Variants in GRIN2B observed in about 807,000 individuals in gnomAD.
The protein encoded by GRIN2B is glutamate ionotropic receptor NMDA type subunit 2B, also known as glutamate receptor ionotropic, NMDA 2B.
A neutral mutation model predicts 114.5 loss-of-function variants in GRIN2B; 5 were observed. The ratio of observed to expected loss-of-function variants is 0.04; its 90% CI spans 0.02 to 0.09. The LOEUF is 0.09. Among genes scored for constraint, GRIN2B ranks in the 10% least tolerant of loss-of-function variants. The pLI is 1.00. For missense variants in GRIN2B, 1,108 were observed against 1,943.5 expected, an observed-to-expected ratio of 0.57 and a Z score of 8.08; for synonymous variants, 787 against 745.1, an observed-to-expected ratio of 1.06 and a Z score of -0.92.
intron 3 of GRIN2B, among the ~76,000 whole-genome samples, chr12:13,791,885 A>G (rs1305190484): frequency 1.3e-5 from 2 of 152,198 alleles, no homozygotes; most frequent in Non-Finnish European, 2.9e-5. Flanking sequence ...CTGCTGATCT[A>G]TCGAACATCA....
intron 5 of GRIN2B, among the ~76,000 whole-genome samples, chr12:13,674,450 C>T (rs1295178195): frequency 6.6e-6 from 1 of 152,064 alleles, no homozygotes; most frequent in Non-Finnish European, 1.5e-5. Context: ...AGATTGAGGT[C>T]TTTCAACTTG....
chr12:13,604,633 T>C (rs1478162065), intron 10 of GRIN2B, among the ~76,000 whole-genome samples: 1 of 152,248 alleles, frequency 6.6e-6, no homozygotes, highest in Admixed American at 6.5e-5. Flanking sequence ...ATTGTTTGAA[T>C]GTCTTTATTC....
At chr12:13,887,530 T>C (rs899074286) in intron 2 of GRIN2B, among the ~76,000 whole-genome samples, 1 of 152,164 alleles carries the variant, frequency 6.6e-6, no homozygotes, top group Non-Finnish European at 1.5e-5. Context: ...CGGCAAAAGA[T>C]AGCATGAATG....
At chr12:13,781,292 G>A (rs1303639161) in intron 3 of GRIN2B, among the ~76,000 whole-genome samples, 1 of 152,206 alleles carries the variant, frequency 6.6e-6, no homozygotes, top group African/African-American at 2.4e-5. Flanking sequence ...ATATTCGTCT[G>A]GGTTAAATGT....
intron 3 of GRIN2B, among the ~76,000 whole-genome samples, chr12:13,759,807 G>C (rs1863644804): frequency 6.6e-6 from 1 of 152,156 alleles, no homozygotes; most frequent in Non-Finnish European, 1.5e-5. Flanking sequence ...AGACTCCCCA[G>C]TGTACTACAA....
At chr12:13,764,618 C>T (rs530108410) in intron 3 of GRIN2B, among the ~76,000 whole-genome samples, 1 of 152,194 alleles carries the variant, frequency 6.6e-6, no homozygotes, top group East Asian at 1.9e-4. Flanking sequence ...AAAAATCTTC[C>T]CTAGAAATAA....
At position 13,558,501 on chromosome 12, in the gene GRIN2B, A is replaced by C. The variant is rs1420671499; in HGVS notation, c.*4282T>G. 2 of 152,086 alleles carry C rather than the reference A, an allele frequency of 1.3e-5. No individual in the cohort carries two copies. The highest frequency in any genetic ancestry group is 2.9e-5 in the Non-Finnish European group (2 of 67,990). 9.4% of individuals were successfully genotyped at this position (152,086 alleles called of 1,614,324 possible). A position where few individuals can be genotyped will look rare whatever the true frequency, so the allele number is the denominator to read the frequency against. ...AAAAAAAAAAAAAAATGAACCAAAG[A>C]AACCTAGTTCTTAGTGACATGTGCA... is the stretch of plus-strand genomic sequence containing the variant. On this transcript the variant is annotated 3_prime_UTR_variant, in exon 14 of 14. Transcript: ENST00000609686.
chr12:13,693,241 A>C (rs1047739506), intron 4 of GRIN2B, among the ~76,000 whole-genome samples: 3 of 152,230 alleles, frequency 2.0e-5, no homozygotes, highest in South Asian at 4.1e-4. Flanking sequence ...ATTCTACATC[A>C]TTTCGCTTAA....
In GRIN2B at chr12:13,569,921, G is replaced by T; in HGVS notation, c.2268C>A (p.Val756=). 1.9e-6 allele frequency: 3 copies of T among 1,612,214 alleles called. No individual in the cohort carries two copies. Among genetic ancestry groups the T allele is most frequent in the South Asian group, 2.2e-5 (2 of 91,028 alleles). ...CKLVTIGSGK[V]FASTGYGIAI... is the part of the protein sequence containing the mutation. ...CAATGCCATAGCCAGTGGAAGCAAA[G>T]ACCTTCCCACTGCCAATGGTCACCA... The change falls in exon 12 of 14, where the codon GTC becomes GTA. Residue 756 remains valine (V), a synonymous_variant. Transcript: ENST00000609686.
chr12:13,815,155 G>A (rs1375588987), intron 3 of GRIN2B, among the ~76,000 whole-genome samples: 7 of 152,132 alleles, frequency 4.6e-5, no homozygotes, highest in African/African-American at 9.7e-5. Context: ...ATACACATAG[G>A]AACCATCAGT....
At chr12:13,594,856 T>C (rs552482574) in intron 10 of GRIN2B, among the ~76,000 whole-genome samples, 1 of 152,206 alleles carries the variant, frequency 6.6e-6, no homozygotes, top group African/African-American at 2.4e-5. Flanking sequence ...ATAAAGACTT[T>C]CTTCAAAAGG....
chr12:13,926,959 A>AAC (rs1866928196), intron 2 of GRIN2B, among the ~76,000 whole-genome samples: 1 of 74,664 alleles, frequency 1.3e-5, no homozygotes, highest in African/African-American at 6.0e-5. Context: ...CTCAAAAAAA[A>AAC]GAAAAAAAAA....
At chr12:13,906,615 G>A (rs1247729151) in intron 2 of GRIN2B, among the ~76,000 whole-genome samples, 1 of 152,150 alleles carries the variant, frequency 6.6e-6, no homozygotes, top group African/African-American at 2.4e-5. Context: ...GAATGTAAGT[G>A]TTTAAGATTT....
chr12:13,588,176 G>A (rs1399987159), intron 10 of GRIN2B, among the ~76,000 whole-genome samples: 1 of 152,134 alleles, frequency 6.6e-6, no homozygotes, highest in Non-Finnish European at 1.5e-5. Flanking sequence ...TTACAGAGAA[G>A]GTAGCCTACT....
intron 10 of GRIN2B, among the ~76,000 whole-genome samples, chr12:13,590,416 G>T (rs1948991520): frequency 6.6e-6 from 1 of 151,998 alleles, no homozygotes; most frequent in African/African-American, 2.4e-5. Context: ...AGGTGCTGGT[G>T]TGTGATGTTC....
intron 2 of GRIN2B, among the ~76,000 whole-genome samples, chr12:13,950,231 C>A (rs1164534532): frequency 6.6e-6 from 1 of 152,180 alleles, no homozygotes; most frequent in Non-Finnish European, 1.5e-5. Context: ...ATAAAGTATT[C>A]TTCCTTGTTG....
intron 4 of GRIN2B, among the ~76,000 whole-genome samples, chr12:13,685,105 G>T (rs1173521397): frequency 6.6e-6 from 1 of 152,286 alleles, no homozygotes; most frequent in East Asian, 1.9e-4. Flanking sequence ...ACCTAGGTAT[G>T]ATATCAACGG....
intron 5 of GRIN2B, among the ~76,000 whole-genome samples, chr12:13,639,329 C>CAGTGGT (rs1335917913): frequency 1.3e-5 from 2 of 152,124 alleles, no homozygotes; most frequent in Non-Finnish European, 2.9e-5. Context: ...AAAGATTCTG[C>CAGTGGT]AGTGGTAGAG....
In GRIN2B at chr12:13,675,881, A is replaced by T. The variant is rs1950069921; in HGVS notation, c.1011-22T>A. On this transcript the variant is annotated intron_variant, in intron 4 of 13. Coordinates refer to ENST00000609686, the MANE Select transcript of GRIN2B (RefSeq NM_000834.5). ...ATACCTGTAAAGATAAAATAAAAGG[A>T]AGATTAAAAGTATGAAGAGGGTATA... The T allele has an allele frequency of 2.3e-6, 3 of 1,331,378 alleles. No homozygotes were observed. The Admixed American group carries it at 5.0e-5, about 22-fold the overall frequency. The allele number at this position is 1,331,378 out of a possible 1,614,324, so 82.5% of individuals were successfully genotyped here. A position where few individuals can be genotyped will look rare whatever the true frequency, so the allele number is the denominator to read the frequency against.
Sources: allele counts gnomAD v4.1 joint callset (sites outside exome capture counted in the v4.1 genomes callset), GRCh38; gene constraint gnomAD v4.1.1; transcripts MANE v1.5; gene names NCBI Gene and HGNC (gene_info 2026-07-23, HGNC 2026-07-21).